Variants in KCNMA1 observed in about 807,000 individuals in gnomAD.
KCNMA1 encodes Calcium-activated potassium channel subunit alpha-1.
In KCNMA1, 29 loss-of-function variants were observed where a neutral mutation model predicts 140.0. That is an observed-to-expected ratio of 0.21 (90% CI 0.15 to 0.28). The LOEUF (loss-of-function observed/expected upper bound fraction) is 0.28. Among genes scored for constraint, KCNMA1 ranks in the 10% least tolerant of loss-of-function variants. The pLI, the probability that KCNMA1 is intolerant of heterozygous loss-of-function variation, is 1.00. For missense variants in KCNMA1, 880 were observed against 1,602.2 expected (o/e 0.55, Z 7.70); for synonymous variants, 612 against 611.9 (o/e 1.00, Z 0.00).
At chr10:77,370,948 G>A (rs547394781) in intron 2 of KCNMA1, among the ~76,000 whole-genome samples, 3 of 152,256 alleles carry the variant, frequency 2.0e-5, no homozygotes, top group Non-Finnish European at 4.4e-5. Context: ...AGTCATTCCT[G>A]TAATCCAGGT....
chr10:76,984,256 G>A (rs968219432), intron 19 of KCNMA1, among the ~76,000 whole-genome samples: 1 of 151,568 alleles, frequency 6.6e-6, no homozygotes, highest in African/African-American at 2.4e-5. Context: ...AGGCTGGAAT[G>A]CAGTGGTGCA....
intron 9 of KCNMA1, among the ~76,000 whole-genome samples, chr10:77,102,960 C>T (rs1327937972): frequency 1.3e-5 from 2 of 152,136 alleles, no homozygotes; most frequent in Non-Finnish European, 2.9e-5. Context: ...CCAACAAAAC[C>T]CAGCATCATG....
chr10:77,529,988 G>A (rs2057181755), intron 1 of KCNMA1, among the ~76,000 whole-genome samples: 1 of 152,230 alleles, frequency 6.6e-6, no homozygotes, highest in Non-Finnish European at 1.5e-5. Flanking sequence ...ACTCCGGGAG[G>A]TCAGGCGCAT....
chr10:77,404,771 C>A (rs917684606), intron 1 of KCNMA1, among the ~76,000 whole-genome samples: 4 of 152,156 alleles, frequency 2.6e-5, no homozygotes, highest in African/African-American at 9.7e-5. Context: ...GATGGCCTCA[C>A]ATTGGCTCCA....
At chr10:77,627,184 A>G (rs1015817342) in intron 1 of KCNMA1, among the ~76,000 whole-genome samples, 3 of 152,194 alleles carry the variant, frequency 2.0e-5, no homozygotes, top group Non-Finnish European at 2.9e-5. Context: ...GAGGTTCAAG[A>G]GCACTGTCTG....
rs146490550 is a variant in KCNMA1 at position 77,275,488 on chromosome 10, T to G, written c.541-24232A>C. On this transcript the variant is annotated intron_variant, in intron 2 of 27. Coordinates refer to ENST00000286628, the MANE Select transcript of KCNMA1 (RefSeq NM_001161352.2). ...GAGAAAACTGGGACCCAGAGAGGAATTGACTTGTCCAACGCCCTATTGTGT... is the reference window on the plus strand; with the variant it reads ...GAGAAAACTGGGACCCAGAGAGGAAGTGACTTGTCCAACGCCCTATTGTGT... Among the ~76,000 whole-genome samples the G allele has an allele frequency of 3.9e-5, 6 of 152,138 alleles. No homozygotes were observed. The East Asian group carries it at 1.2e-3, about 29-fold the overall frequency.
intron 3 of KCNMA1, among the ~76,000 whole-genome samples, chr10:77,185,231 G>A (rs966983849): frequency 1.1e-4 from 16 of 151,960 alleles, no homozygotes; most frequent in African/African-American, 3.9e-4. Flanking sequence ...GGAAGGACAA[G>A]CAGGAGAGGC....
chr10:76,913,952 C>T (rs903906925), intron 24 of KCNMA1: 4 of 822,178 alleles, frequency 4.9e-6, no homozygotes, highest in African/African-American at 1.7e-5. Context: ...CATGGGGTAG[C>T]CTTTCTGTTA....
intron 3 of KCNMA1, chr10:77,249,712 C>T (rs886622051): frequency 1.3e-5 from 2 of 152,136 alleles, no homozygotes; most frequent in African/African-American, 4.8e-5. Context: ...AGACCAGGGG[C>T]TTTAGAGGAT....
intron 3 of KCNMA1, among the ~76,000 whole-genome samples, chr10:77,195,227 T>C (rs1465425574): frequency 6.6e-6 from 1 of 152,188 alleles, no homozygotes; most frequent in East Asian, 1.9e-4. Context: ...GTTTTGTAAG[T>C]TTTCCTATTT....
intron 15 of KCNMA1, among the ~76,000 whole-genome samples, chr10:77,030,240 AGCTT>A (rs376334727): frequency 4.5e-4 from 69 of 152,334 alleles, no homozygotes; most frequent in African/African-American, 1.6e-3. Flanking sequence ...CTGATTATGC[AGCTT>A]GCTGAAACAC....
chr10:77,303,045 C>A, intron 2 of KCNMA1, among the ~76,000 whole-genome samples: 1 of 152,098 alleles, frequency 6.6e-6, no homozygotes, highest in East Asian at 1.9e-4. Context: ...GCTGTGTAGC[C>A]TTGGGAAAAT....
At chr10:76,959,710 C>T (rs933924316) in intron 20 of KCNMA1, among the ~76,000 whole-genome samples, 19 of 152,186 alleles carry the variant, frequency 1.2e-4, no homozygotes, top group African/African-American at 3.9e-4. Context: ...ATTATTTCTA[C>T]TACTGCTACT....
At chr10:77,445,362 A>G (rs945078048) in intron 1 of KCNMA1, among the ~76,000 whole-genome samples, 2 of 124,572 alleles carry the variant, frequency 1.6e-5, no homozygotes, top group African/African-American at 4.1e-5. Context: ...ACGCACATAC[A>G]CAGACACACA....
chr10:77,493,430 G>A (rs2040666762), intron 1 of KCNMA1, among the ~76,000 whole-genome samples: 1 of 152,278 alleles, frequency 6.6e-6, no homozygotes, highest in South Asian at 2.1e-4. Context: ...AGGCACTGCT[G>A]TGTGGTAGAA....
chr10:77,278,234 C>A (rs2067255629), intron 2 of KCNMA1, among the ~76,000 whole-genome samples: 1 of 152,128 alleles, frequency 6.6e-6, no homozygotes, highest in African/African-American at 2.4e-5. Flanking sequence ...TGATTCTCTC[C>A]TTTAAGGAAT....
intron 14 of KCNMA1, among the ~76,000 whole-genome samples, chr10:77,057,782 G>A (rs1353285934): frequency 6.6e-6 from 1 of 151,608 alleles, no homozygotes; most frequent in Non-Finnish European, 1.5e-5. Context: ...AAAAAATTCT[G>A]AAAATGTTCA....
intron 3 of KCNMA1, among the ~76,000 whole-genome samples, chr10:77,212,315 G>T (rs778607380): frequency 1.3e-5 from 2 of 152,222 alleles, no homozygotes; most frequent in Non-Finnish European, 2.9e-5. Flanking sequence ...AATGGAGCTG[G>T]AGGCCATAAT....
chr10:77,504,107 C>T (rs1255355945), intron 1 of KCNMA1, among the ~76,000 whole-genome samples: 1 of 152,202 alleles, frequency 6.6e-6, no homozygotes, highest in African/African-American at 2.4e-5. Flanking sequence ...ATTGTCCTTT[C>T]TTGGTTATCT....
Sources: allele counts gnomAD v4.1 joint callset (sites outside exome capture counted in the v4.1 genomes callset), GRCh38; gene constraint gnomAD v4.1.1; transcripts MANE v1.5; gene names NCBI Gene and HGNC (gene_info 2026-07-23, HGNC 2026-07-21).